The following ABCC4 variants were observed in gnomAD, a reference collection of about 807,000 sequenced individuals.
ABCC4 encodes ATP-binding cassette sub-family C member 4.
In ABCC4, 102 loss-of-function variants were observed where a neutral mutation model predicts 168.5. That is an observed-to-expected ratio of 0.61 (90% CI 0.52 to 0.71). The LOEUF (loss-of-function observed/expected upper bound fraction) is 0.71, where lower values mean the gene tolerates loss of function less well. ABCC4 is among the 30% of genes least tolerant of loss of function. The pLI, the probability that ABCC4 is intolerant of heterozygous loss-of-function variation, is 0.00. For synonymous variants in ABCC4, 617 were observed against 590.7 expected, an observed-to-expected ratio of 1.04 and a Z score of -0.65; for missense variants, 1,402 against 1,605.8, an observed-to-expected ratio of 0.87 and a Z score of 2.17.
intron 30 of ABCC4, among the ~76,000 whole-genome samples, chr13:95,025,264 C>T (rs2031404946): frequency 1.2e-5 from 1 of 83,376 alleles, no homozygotes; most frequent in Non-Finnish European, 2.3e-5. Flanking sequence ...CACACACACC[C>T]CCACACCCCC....
intron 4 of ABCC4, among the ~76,000 whole-genome samples, chr13:95,216,260 C>A (rs1225506601): frequency 6.6e-6 from 1 of 151,876 alleles, no homozygotes; most frequent in Admixed American, 6.6e-5. Context: ...AGTTTGGTTC[C>A]AATAAAGTGT....
chr13:95,120,746 T>A (rs763350607), intron 19 of ABCC4, among the ~76,000 whole-genome samples: 1 of 152,044 alleles, frequency 6.6e-6, no homozygotes, highest in Non-Finnish European at 1.5e-5. Context: ...AGAATGTAAA[T>A]GCAAGCAGTC....
intron 24 of ABCC4, among the ~76,000 whole-genome samples, chr13:95,072,351 C>T (rs925976820): frequency 6.6e-6 from 1 of 152,114 alleles, no homozygotes; most frequent in Non-Finnish European, 1.5e-5. Context: ...ATCCCAGCTA[C>T]TCAGGAGGCT....
At chr13:95,065,079 GC>G (rs910810542) in intron 25 of ABCC4, among the ~76,000 whole-genome samples, 1 of 151,972 alleles carries the variant, frequency 6.6e-6, no homozygotes, top group African/African-American at 2.4e-5. Flanking sequence ...ATACCCAACA[GC>G]CCCCCTCCAA....
chr13:95,132,749 G>A (rs1237674060), intron 19 of ABCC4, among the ~76,000 whole-genome samples: 1 of 152,152 alleles, frequency 6.6e-6, no homozygotes, highest in African/African-American at 2.4e-5. Flanking sequence ...GATGGAAGGA[G>A]ATTCTGGGCC....
At chr13:95,138,154 A>G (rs2036199887) in intron 19 of ABCC4, among the ~76,000 whole-genome samples, 1 of 152,178 alleles carries the variant, frequency 6.6e-6, no homozygotes, top group African/African-American at 2.4e-5. Flanking sequence ...CACTTTACCA[A>G]TTAAAACTTT....
chr13:95,227,511 G>A (rs1397558857), intron 4 of ABCC4, among the ~76,000 whole-genome samples: 1 of 152,124 alleles, frequency 6.6e-6, no homozygotes, highest in African/African-American at 2.4e-5. Flanking sequence ...CATTAGAAGA[G>A]GAAGTCCAAC....
At chr13:95,043,595 GT>G in intron 29 of ABCC4, 86 bp downstream of exon 29, 1 of 1,152,176 alleles carries the variant, frequency 8.7e-7, no homozygotes, top group East Asian at 2.4e-5. Context: ...CTTACTAGGG[GT>G]TTCTATCAAG....
chr13:95,194,987 C>T (rs2038372159), intron 8 of ABCC4, 50 bp from the exon 9 acceptor site: 5 of 1,514,774 alleles, frequency 3.3e-6, no homozygotes, highest in Non-Finnish European at 4.5e-6. Context: ...GAAACAAAAG[C>T]ACAAACAAAA....
intron 19 of ABCC4, among the ~76,000 whole-genome samples, chr13:95,144,363 C>G (rs533174066): frequency 6.6e-6 from 1 of 152,058 alleles, no homozygotes; most frequent in South Asian, 2.1e-4. Context: ...GAGGCCTACT[C>G]TCACTACACC....
intron 1 of ABCC4, among the ~76,000 whole-genome samples, chr13:95,260,792 TGTATATG>T (rs2040513048): frequency 6.6e-6 from 1 of 152,032 alleles, no homozygotes; most frequent in Non-Finnish European, 1.5e-5. Flanking sequence ...TAAGCTACTT[TGTATATG>T]ATGAACTGTG....
intron 11 of ABCC4, among the ~76,000 whole-genome samples, chr13:95,186,305 A>G (rs771997062): frequency 4.6e-5 from 7 of 152,156 alleles, no homozygotes; most frequent in Non-Finnish European, 1.0e-4. Flanking sequence ...TTGGGGGTGG[A>G]GCTAGCAGAG....
chr13:95,276,269 G>A (rs561289846), intron 1 of ABCC4, among the ~76,000 whole-genome samples: 1 of 151,926 alleles, frequency 6.6e-6, no homozygotes, highest in African/African-American at 2.4e-5. Context: ...TGTTTTATTA[G>A]CTAGGCATGG....
At chr13:95,084,345 C>T (rs1446266013) in intron 20 of ABCC4, among the ~76,000 whole-genome samples, 1 of 152,172 alleles carries the variant, frequency 6.6e-6, no homozygotes, top group Non-Finnish European at 1.5e-5. Flanking sequence ...AGCTTGTCCC[C>T]AGCATACGGC....
chr13:95,271,163 G>A (rs1408263825), intron 1 of ABCC4, among the ~76,000 whole-genome samples: 1 of 152,194 alleles, frequency 6.6e-6, no homozygotes, highest in East Asian at 1.9e-4. Flanking sequence ...GAAATAGCCA[G>A]ATGGCCTTTC....
intron 1 of ABCC4, among the ~76,000 whole-genome samples, chr13:95,250,938 C>A (rs529880389): frequency 1.3e-4 from 20 of 151,992 alleles, no homozygotes; most frequent in African/African-American, 4.6e-4. Flanking sequence ...CAGGCACATG[C>A]CACTGTGCCT....
intron 1 of ABCC4, among the ~76,000 whole-genome samples, chr13:95,277,881 G>A (rs1172826219): frequency 6.6e-6 from 1 of 152,160 alleles, no homozygotes; most frequent in Non-Finnish European, 1.5e-5. Context: ...TCAGGTCCTG[G>A]AGAAAGGCAG....
intron 1 of ABCC4, among the ~76,000 whole-genome samples, chr13:95,268,722 C>CCT (rs1214978429): frequency 6.6e-6 from 1 of 152,138 alleles, no homozygotes; most frequent in Non-Finnish European, 1.5e-5. Context: ...GACACAGAGA[C>CCT]ATTTGTTCAC....
chr13:95,280,572 TAAA>T (rs61654581), intron 1 of ABCC4, among the ~76,000 whole-genome samples: 91,048 of 131,014 alleles, frequency 0.69, 32,933 homozygotes, highest in Admixed American at 0.81. Context: ...TGCCTTCTAT[TAAA>T]AAAAAAAAAA....
Sources: gnomAD v4.1 joint callset for allele counts (sites outside exome capture counted in the v4.1 genomes callset) on GRCh38, gnomAD v4.1.1 for gene constraint, MANE v1.5 for transcripts, NCBI Gene and HGNC (gene_info 2026-07-23, HGNC 2026-07-21) for gene names.